Variants in SLC22A3 observed in about 807,000 individuals in gnomAD.
SLC22A3 encodes the protein solute carrier family 22 member 3.
In SLC22A3, 51 loss-of-function variants were observed where a neutral mutation model predicts 59.1. The observed-to-expected ratio is 0.86, with a 90% CI of 0.69 to 1.09. SLC22A3 has a LOEUF of 1.09. SLC22A3 is among the 50% of genes least tolerant of loss of function. The pLI is 0.00. For synonymous variants in SLC22A3, 325 were observed against 292.0 expected, an observed-to-expected ratio of 1.11 and a Z score of -1.15; for missense variants, 711 against 726.3, an observed-to-expected ratio of 0.98 and a Z score of 0.24.
chr6:160,383,253 T>C (rs1785863731), intron 1 of SLC22A3, among the ~76,000 whole-genome samples: 1 of 152,230 alleles, frequency 6.6e-6, no homozygotes, highest in Non-Finnish European at 1.5e-5. Flanking sequence ...TTTTAAATTA[T>C]TTCCTAAGTT....
intron 1 of SLC22A3, among the ~76,000 whole-genome samples, chr6:160,395,234 T>C (rs1182375275): frequency 6.6e-6 from 1 of 152,240 alleles, no homozygotes; most frequent in African/African-American, 2.4e-5. Flanking sequence ...CAGTATTATA[T>C]TAAAGAATAT....
In SLC22A3 at chr6:160,442,797, G is replaced by A. The variant is rs1487797999; in HGVS notation, c.1325G>A (p.Gly442Glu). Reference sequence around the variant, plus strand: ...TTGAGGACCACAGTGGCTACATTGGGAAGACTAGGGATAACCATGGCCTTT... The same window carrying A: ...TTGAGGACCACAGTGGCTACATTGGAAAGACTAGGGATAACCATGGCCTTT... ...AWLRTTVATL[G>E]RLGITMAFEI... The change falls in exon 8 of 11, where the codon GGA becomes GAA. Residue 442 changes from glycine to glutamate, a missense_variant. Transcript: ENST00000275300. 1 of 1,613,988 alleles carries A rather than the reference G, an allele frequency of 6.2e-7. No individual in the cohort carries two copies. Among genetic ancestry groups the A allele is most frequent in the Non-Finnish European group, 8.5e-7 (1 of 1,179,960 alleles).
At chr6:160,448,432 A>G (rs1432443791) in intron 10 of SLC22A3, among the ~76,000 whole-genome samples, 1 of 152,220 alleles carries the variant, frequency 6.6e-6, no homozygotes, top group Non-Finnish European at 1.5e-5. Context: ...TAGATAAATG[A>G]TAAATAATAG....
chr6:160,436,720 T>C (rs1006781321), intron 5 of SLC22A3, 60 bp from the exon 6 acceptor site: 13 of 1,079,464 alleles, frequency 1.2e-5, no homozygotes, highest in Non-Finnish European at 1.7e-5. Context: ...GACAAGTCTA[T>C]ACTATGCAGG....
chr6:160,374,765 C>A (rs183117320), intron 1 of SLC22A3, among the ~76,000 whole-genome samples: 1 of 152,252 alleles, frequency 6.6e-6, no homozygotes, highest in East Asian at 1.9e-4. Flanking sequence ...TCAAGAAGGG[C>A]CACAGGAAAG....
At chr6:160,388,428 C>T (rs900362970) in intron 1 of SLC22A3, among the ~76,000 whole-genome samples, 11 of 152,100 alleles carry the variant, frequency 7.2e-5, no homozygotes, top group African/African-American at 2.2e-4. Flanking sequence ...TCAGTGTGCC[C>T]GAGGTGGATC....
chr6:160,404,335 T>C (rs994082632), intron 2 of SLC22A3, among the ~76,000 whole-genome samples: 10 of 152,100 alleles, frequency 6.6e-5, no homozygotes, highest in Non-Finnish European at 1.5e-4. Flanking sequence ...CATAATGCCA[T>C]TTACATTAGC....
chr6:160,363,943 C>A (rs767490190), intron 1 of SLC22A3, among the ~76,000 whole-genome samples: 8 of 151,894 alleles, frequency 5.3e-5, no homozygotes, highest in Non-Finnish European at 1.0e-4. Context: ...GGGATACGAA[C>A]TTTCAGTATT....
intron 10 of SLC22A3, among the ~76,000 whole-genome samples, chr6:160,449,434 GA>G (rs1282012889): frequency 2.0e-5 from 3 of 151,690 alleles, no homozygotes; most frequent in African/African-American, 2.4e-5. Flanking sequence ...CTCTATACAT[GA>G]AAAAAAATAT....
chr6:160,389,548 C>T (rs141502371), intron 1 of SLC22A3, among the ~76,000 whole-genome samples: 5 of 152,324 alleles, frequency 3.3e-5, no homozygotes, highest in Non-Finnish European at 5.9e-5. Flanking sequence ...TCACTGTGCC[C>T]TGATGTGCAG....
rs575645136 is a variant in SLC22A3, at chr6:160,383,855, G to C, written c.430-14124G>C. Among the ~76,000 whole-genome samples, 31 of 152,284 alleles carry C rather than the reference G, an allele frequency of 2.0e-4. No individual in the cohort carries two copies. The South Asian group carries it at 6.4e-3, about 32-fold the overall frequency. ...TAACAACTATTTACATAGCTATGTT[G>C]TATTAGGTATTGTAAATAATCTAGA... On this transcript the variant is annotated intron_variant, in intron 1 of 10. Transcript: ENST00000275300.
chr6:160,380,204 G>C (rs760920031), intron 1 of SLC22A3, among the ~76,000 whole-genome samples: 3 of 152,118 alleles, frequency 2.0e-5, no homozygotes, highest in Non-Finnish European at 2.9e-5. Flanking sequence ...AAGTTGGAAT[G>C]TGAGGTTTAT....
At chr6:160,438,119 T>C (rs769409210) in intron 7 of SLC22A3, among the ~76,000 whole-genome samples, 2 of 152,056 alleles carry the variant, frequency 1.3e-5, no homozygotes, top group Non-Finnish European at 2.9e-5. Context: ...GAGAGGGTCA[T>C]TTCATTTCAG....
intron 1 of SLC22A3, among the ~76,000 whole-genome samples, chr6:160,364,790 A>G (rs1428889738): frequency 6.6e-6 from 1 of 152,232 alleles, no homozygotes; most frequent in East Asian, 1.9e-4. Context: ...GCAGGATCAG[A>G]TGATAAATCA....
rs776146437 is a variant in SLC22A3, at chr6:160,447,706, C to G, written c.1511-13C>G. On this transcript the variant is annotated splice_polypyrimidine_tract_variant and intron_variant, in intron 9 of 10. Coordinates refer to ENST00000275300, the MANE Select transcript of SLC22A3 (RefSeq NM_021977.4). The stretch of plus-strand genomic sequence containing the variant: ...TCTTCCTGGAGCGGTAACACCTTTC[C>G]CCTATTCCATAGGTATCCTGGCATC... 5.0e-6 allele frequency: 8 copies of G among 1,610,818 alleles called. No homozygotes were observed. Among genetic ancestry groups the G allele is most frequent in the Non-Finnish European group, 4.2e-6 (5 of 1,177,224 alleles).
chr6:160,431,346 GT>G (rs1191757560), intron 5 of SLC22A3, among the ~76,000 whole-genome samples: 3 of 152,178 alleles, frequency 2.0e-5, no homozygotes, highest in African/African-American at 7.2e-5. Context: ...CCAAGATACG[GT>G]TTTAAGTCTC....
intron 2 of SLC22A3, among the ~76,000 whole-genome samples, chr6:160,398,799 G>A (rs437047): frequency 3.3e-5 from 5 of 152,106 alleles, no homozygotes; most frequent in Non-Finnish European, 7.3e-5. Flanking sequence ...CCCTTAGCAG[G>A]AGTAATAGGA....
chr6:160,413,456 T>A (rs1447665222), intron 5 of SLC22A3, among the ~76,000 whole-genome samples: 1 of 152,244 alleles, frequency 6.6e-6, no homozygotes, highest in African/African-American at 2.4e-5. Context: ...CTCCAACAGT[T>A]ACCAACTCCT....
At chr6:160,369,343 T>C (rs1785318552) in intron 1 of SLC22A3, among the ~76,000 whole-genome samples, 1 of 152,218 alleles carries the variant, frequency 6.6e-6, no homozygotes, top group Admixed American at 6.5e-5. Flanking sequence ...CAGACTATTA[T>C]GAAAATGTTT....
Sources: allele counts gnomAD v4.1 joint callset (sites outside exome capture counted in the v4.1 genomes callset), GRCh38; gene constraint gnomAD v4.1.1; transcripts MANE v1.5; gene names NCBI Gene and HGNC (gene_info 2026-07-23, HGNC 2026-07-21).